HSPG2: variants seen among roughly 807,000 people sequenced by gnomAD.
The protein encoded by HSPG2 is heparan sulfate proteoglycan 2.
HSPG2 carries 278 observed loss-of-function variants against 526.6 expected under a neutral mutation model. The ratio of observed to expected loss-of-function variants is 0.53; its 90% CI spans 0.48 to 0.58. The LOEUF (loss-of-function observed/expected upper bound fraction) is 0.58. HSPG2 is among the 20% of genes least tolerant of loss of function. HSPG2 has a pLI of 0.00. For missense variants in HSPG2, 5,354 were observed against 6,099.5 expected (o/e 0.88, Z 4.07); for synonymous variants, 2,465 against 2,555.4 (o/e 0.96, Z 1.07).
chr1:21,851,995 C>T, intron 53 of HSPG2, 69 bp from the exon 54 acceptor site: 5 of 1,610,104 alleles, frequency 3.1e-6, no homozygotes, highest in Non-Finnish European at 4.2e-6. Flanking sequence ...CCGCTGTCCC[C>T]CCGATCTAGG....
At chr1:21,907,353 G>A (rs1643434513) in intron 1 of HSPG2, among the ~76,000 whole-genome samples, 1 of 152,138 alleles carries the variant, frequency 6.6e-6, no homozygotes, top group Non-Finnish European at 1.5e-5. Flanking sequence ...AACCAGCTCT[G>A]CTCGCTGGTC....
chr1:21,887,294 C>T lies in HSPG2; in HGVS notation c.999G>A (p.Gly333=). 6.2e-7 allele frequency: 1 copy of T among 1,614,094 alleles called. No individual in the cohort carries two copies. The change falls in exon 9 of 97, where the codon GGG becomes GGA. Residue 333 remains glycine (G), a synonymous_variant. Transcript: ENST00000374695. This position sits in a 1 kb window ranked among gnomAD's most constrained non-coding sequence, Gnocchi z 5.0. ...ACAGCTTGAGGGCACAATGTCCATT[C>T]CCGCAGGGGAACTCGTTGGGCTCAC... is the stretch of plus-strand genomic sequence containing the variant. ...PPCEPNEFPC[G]NGHCALKLWR... is the part of the protein sequence containing the mutation.
rs572229605 is a variant in HSPG2 at position 21,870,097 on chromosome 1, A to AGTCCCCTATGG, written c.4221+2088_4221+2089insCCATAGGGGAC. The AGTCCCCTATGG allele has an allele frequency of 2.7e-4, 74 of 274,928 alleles. No individual in the cohort carries two copies. The East Asian group carries it at 0.011, about 41-fold the overall frequency. 17.0% of individuals were successfully genotyped at this position (274,928 alleles called of 1,614,324 possible). ...ATCAGGCTGGGGCCTGGCCTGGCAT[A>AGTCCCCTATGG]GGGGAAATGGCCCAGGAAAGCTGGA... On this transcript the variant is annotated intron_variant, in intron 33 of 96. Transcript: ENST00000374695.
At chr1:21,918,203 G>A (rs1262560272) in intron 1 of HSPG2, among the ~76,000 whole-genome samples, 2 of 152,132 alleles carry the variant, frequency 1.3e-5, no homozygotes, top group African/African-American at 4.8e-5. Flanking sequence ...AGTTGCTCAC[G>A]TCTGTAATCT....
At chr1:21,850,898 C>A (rs1279455602) in intron 55 of HSPG2, among the ~76,000 whole-genome samples, 1 of 151,876 alleles carries the variant, frequency 6.6e-6, no homozygotes, top group African/African-American at 2.4e-5. Context: ...ATATTAACAG[C>A]TTAGAGTACT....
Position 21,876,336 on chromosome 1 carries a change from C to T in HSPG2, c.2896G>A (p.Glu966Lys), listed in dbSNP as rs142651007. Residue 966 changes from glutamate (E) to lysine (K), a missense_variant, in exon 23 of 97, where the codon GAG (glutamate) becomes AAG (lysine). Transcript: ENST00000374695. ...CCGGGCGTGGGGGAGAAGATGCCCT[C>T]GTTGGTGGTGTGGGTGCTTGCGGCG... is the stretch of plus-strand genomic sequence containing the variant. ...TNAASTHTTN[E>K]GIFSPTPGEL... The T allele has an allele frequency of 7.7e-5, 125 of 1,613,754 alleles. No individual in the cohort carries two copies. The highest frequency in any genetic ancestry group is 9.6e-5 in the Non-Finnish European group (113 of 1,179,950).
chr1:21,852,095 C>G lies in HSPG2; in HGVS notation c.6863G>C (p.Arg2288Pro). ...ATTCTTGGTGCCCTGTACCTGGTGCCGGGCAGGGAGGCTGCCCCCACGCTT... is the reference window on the plus strand; with the variant it reads ...ATTCTTGGTGCCCTGTACCTGGTGCGGGGCAGGGAGGCTGCCCCCACGCTT... The part of the protein sequence containing the change: ...WYKRGGSLPA[R>P]HQVRGSRLYI... The change falls in exon 53 of 97, where the codon CGG (arginine) becomes CCG (proline). Residue 2288 changes from arginine to proline, a missense_variant. By Grantham distance (103) the Arg-to-Pro change is moderately radical (BLOSUM62 -2). Transcript: ENST00000374695. 1 of 1,613,470 alleles carries G rather than the reference C, an allele frequency of 6.2e-7. No individual in the cohort carries two copies. Among genetic ancestry groups the G allele is most frequent in the Non-Finnish European group, 8.5e-7 (1 of 1,180,016 alleles).
chr1:21,900,996 T>C (rs1032652612), intron 1 of HSPG2, among the ~76,000 whole-genome samples: 1 of 152,144 alleles, frequency 6.6e-6, no homozygotes, highest in Non-Finnish European at 1.5e-5. Flanking sequence ...TGTTTCACTG[T>C]AGCAATATTA....
intron 1 of HSPG2, among the ~76,000 whole-genome samples, chr1:21,911,279 T>G (rs1311892138): frequency 1.3e-5 from 2 of 152,150 alleles, no homozygotes; most frequent in African/African-American, 2.4e-5. Flanking sequence ...AGGAGGGGGC[T>G]ACCCAGAGCT....
chr1:21,877,544 A>G (rs1641178142), intron 21 of HSPG2: 1 of 149,684 alleles, frequency 6.7e-6, no homozygotes, highest in South Asian at 2.1e-4. Context: ...TGTTGCCTAC[A>G]ATGGAGTACA....
chr1:21,854,155 A>G, intron 50 of HSPG2, 38 bp downstream of exon 50: 1 of 1,540,256 alleles, frequency 6.5e-7, no homozygotes, highest in Non-Finnish European at 8.8e-7. Flanking sequence ...GGGAGCTCCT[A>G]GGGCTCAGCC....
At chr1:21,842,731 T>A in intron 67 of HSPG2, 39 bp downstream of exon 67, 1 of 1,611,624 alleles carries the variant, frequency 6.2e-7, no homozygotes, top group South Asian at 1.1e-5. Flanking sequence ...AGGTCTAACC[T>A]TGCCTGACCT....
chr1:21,890,441 A>G lies in HSPG2; in HGVS notation c.399T>C (p.Ser133=). ...YLKIPGDQVV[S]VVFIKELDGW... The stretch of plus-strand genomic sequence containing the variant: ...CCCCTTCTCACTTGATGAACACCAC[A>G]CTGACAACCTGGTCTCCGGGAATTT... Residue 133 remains serine, a synonymous_variant, in exon 5 of 97, where the codon AGT becomes AGC. Transcript: ENST00000374695. The surrounding 1 kb of genome is among the most constrained non-coding windows in gnomAD (Gnocchi z 4.1). 2 of 1,613,138 alleles carry G rather than the reference A, an allele frequency of 1.2e-6. No individual in the cohort carries two copies. The highest frequency in any genetic ancestry group is 1.7e-6 in the Non-Finnish European group (2 of 1,179,748).
rs144343400 is a variant in HSPG2, at chr1:21,881,382, T to C, written c.1775A>G (p.His592Arg). The C allele has an allele frequency of 8.1e-6, 13 of 1,614,044 alleles. No homozygotes were observed. The African/African-American group carries it at 1.6e-4, about 20-fold the overall frequency. Residue 592 changes from histidine (H) to arginine (R), a missense_variant, in exon 14 of 97, where the codon CAC becomes CGC. His to Arg is a conservative substitution (Grantham distance 29). Transcript: ENST00000374695. ...TTCAGGCAGAGCCCAGAAGGAGTCGTGGACGAGGAAGCGGCGGGACAGGTC... is the reference window on the plus strand; with the variant it reads ...TTCAGGCAGAGCCCAGAAGGAGTCGCGGACGAGGAAGCGGCGGGACAGGTC... ...LVDLSRRFLV[H>R]DSFWALPEQF...
At chr1:21,877,418 C>T (rs1408181295) in intron 21 of HSPG2, 1 of 152,572 alleles carries the variant, frequency 6.6e-6, no homozygotes, top group African/African-American at 2.4e-5. Context: ...TGCCCATCCA[C>T]TCTGGGATTT....
chr1:21,845,383 T>G (rs116384231), intron 64 of HSPG2, among the ~76,000 whole-genome samples: 435 of 152,290 alleles, frequency 2.9e-3, no homozygotes, highest in Non-Finnish European at 4.5e-3. Context: ...TATTTATTTA[T>G]TTATTTATTT....
chr1:21,920,918 A>C lies in HSPG2; in HGVS notation c.63+16237T>G, dbSNP rs1036776328. Among the ~76,000 whole-genome samples, 12 of 151,736 alleles carry C rather than the reference A, an allele frequency of 7.9e-5. 1 individual carries two copies. Among genetic ancestry groups the C allele is most frequent in the African/African-American group, 2.9e-4 (12 of 41,278 alleles). On this transcript the variant is annotated intron_variant, in intron 1 of 96. Coordinates refer to ENST00000374695, the MANE Select transcript of HSPG2 (RefSeq NM_005529.7). ...CCTTTCCTACATGCCCTCTTCAAAC[A>C]TGTGTCTGGGATCTGCCTATGCCTC...
chr1:21,844,791 G>T (rs182082463), intron 64 of HSPG2, among the ~76,000 whole-genome samples: 1 of 152,348 alleles, frequency 6.6e-6, no homozygotes, highest in East Asian at 1.9e-4. Flanking sequence ...AGGATAAAAT[G>T]AACTAATATG....
rs147076640 is a variant in HSPG2 at position 21,880,748 on chromosome 1, C to T, written c.1906G>A (p.Val636Ile). ...AGGCGGTACCCGGCACCCATGAGGA[C>T]CACGTCCGGCCGCTGCACTGGCTCC... ...MLEPVQRPDVVLMGAGYRLLS... is the reference protein window; with the variant it reads ...MLEPVQRPDVILMGAGYRLLS... The change falls in exon 15 of 97, where the codon GTC becomes ATC. Residue 636 changes from valine (V) to isoleucine (I), a missense_variant. Coordinates refer to ENST00000374695, the MANE Select transcript of HSPG2 (RefSeq NM_005529.7). 1 of 1,600,186 alleles carries T rather than the reference C, an allele frequency of 6.2e-7. No homozygotes were observed. Among genetic ancestry groups the T allele is most frequent in the South Asian group, 1.1e-5 (1 of 88,592 alleles).
Sources: gnomAD v4.1 joint callset for allele counts (sites outside exome capture counted in the v4.1 genomes callset) on GRCh38, gnomAD v4.1.1 for gene constraint, Gnocchi (gnomAD v3.1) non-coding constraint, MANE v1.5 for transcripts, NCBI Gene and HGNC (gene_info 2026-07-23, HGNC 2026-07-21) for gene names.